The following CPXM2 variants were observed in gnomAD, a reference collection of about 807,000 sequenced individuals.
CPXM2 encodes the protein carboxypeptidase X, M14 family member 2.
In CPXM2, 66 loss-of-function variants were observed where a neutral mutation model predicts 86.1. The observed-to-expected ratio is 0.77, with a 90% CI of 0.63 to 0.94. CPXM2 has a LOEUF of 0.94. Ranked by LOEUF, CPXM2 falls within the 40% of genes least tolerant of loss-of-function variation. The probability of loss-of-function intolerance (pLI) is 0.00; values close to 1 mark genes in which losing one functional copy is unlikely to be tolerated. For synonymous variants in CPXM2, 388 were observed against 400.2 expected, an observed-to-expected ratio of 0.97 and a Z score of 0.36; for missense variants, 948 against 1,026.3, an observed-to-expected ratio of 0.92 and a Z score of 1.04.
At position 123,878,228 on chromosome 10, in the gene CPXM2, G is replaced by T. The variant is rs575058774; in HGVS notation, c.403+1983C>A. On this transcript the variant is annotated intron_variant, in intron 2 of 13. Coordinates refer to ENST00000241305, the MANE Select transcript of CPXM2 (RefSeq NM_198148.3). ...TGCCCTGCCTCCATGGCCACCATCT[G>T]TCGGTTGTCAGGATCTCCTCAGCTG... is the stretch of plus-strand genomic sequence containing the variant. Among the ~76,000 whole-genome samples the T allele has an allele frequency of 6.7e-5, 10 of 150,346 alleles. No homozygotes were observed. In the South Asian group the frequency reaches 2.1e-3, roughly 32 times the overall value.
At chr10:123,766,114 T>C (rs985080945) in intron 10 of CPXM2, among the ~76,000 whole-genome samples, 3 of 152,174 alleles carry the variant, frequency 2.0e-5, no homozygotes, top group Non-Finnish European at 4.4e-5. Context: ...AAGCCCTTTC[T>C]CTCCTGTTCC....
intron 4 of CPXM2, among the ~76,000 whole-genome samples, chr10:123,812,539 C>T (rs1847715606): frequency 6.6e-6 from 1 of 152,216 alleles, no homozygotes; most frequent in Admixed American, 6.5e-5. Context: ...AGAGACTACA[C>T]TAACAGGACA....
intron 1 of CPXM2, among the ~76,000 whole-genome samples, chr10:123,888,928 G>A (rs1945221688): frequency 6.6e-6 from 1 of 152,102 alleles, no homozygotes; most frequent in Non-Finnish European, 1.5e-5. Flanking sequence ...GTGGATGCCA[G>A]GGCTGCGGTG....
chr10:123,854,721 G>A (rs947146153), intron 3 of CPXM2, among the ~76,000 whole-genome samples: 7 of 151,608 alleles, frequency 4.6e-5, no homozygotes, highest in Non-Finnish European at 1.0e-4. Context: ...TACCTCATGG[G>A]GATGGTTCCC....
chr10:123,849,381 TTCCCCTTTA>T (rs1410970282), intron 3 of CPXM2, among the ~76,000 whole-genome samples: 2 of 151,956 alleles, frequency 1.3e-5, no homozygotes, highest in African/African-American at 2.4e-5. Flanking sequence ...CCTCTCCTCC[TTCCCCTTTA>T]TCCCCTTTAT....
chr10:123,802,796 C>T (rs1847488652), intron 4 of CPXM2, among the ~76,000 whole-genome samples: 1 of 152,132 alleles, frequency 6.6e-6, no homozygotes, highest in Non-Finnish European at 1.5e-5. Flanking sequence ...TCTGGTTATT[C>T]CATGCTCTTA....
intron 2 of CPXM2, among the ~76,000 whole-genome samples, chr10:123,919,986 C>T (rs1264043986): frequency 2.6e-5 from 4 of 152,204 alleles, no homozygotes; most frequent in Admixed American, 2.6e-4. Context: ...CTCATTACCA[C>T]AAGGACAGCA....
chr10:123,912,287 T>G (rs1321721731), intron 2 of CPXM2, among the ~76,000 whole-genome samples: 1 of 69,620 alleles, frequency 1.4e-5, no homozygotes, highest in Non-Finnish European at 2.7e-5. Flanking sequence ...CGTGTGTGTG[T>G]GTGAGTGTGC....
At chr10:123,904,925 A>C (rs1945422390) in intron 2 of CPXM2, among the ~76,000 whole-genome samples, 1 of 24,144 alleles carries the variant, frequency 4.1e-5, no homozygotes, top group Non-Finnish European at 7.8e-5. Flanking sequence ...CCTGCATCCT[A>C]GTGAGGGATC....
chr10:123,753,761 G>A (rs1169221881), intron 13 of CPXM2, among the ~76,000 whole-genome samples: 1 of 152,164 alleles, frequency 6.6e-6, no homozygotes, highest in African/African-American at 2.4e-5. Flanking sequence ...CCACAGCAAA[G>A]AGAGTTGGAA....
chr10:123,891,722 G>A lies in CPXM2; in HGVS notation c.-63C>T. 8.0e-7 allele frequency: 1 copy of A among 1,252,230 alleles called. No individual in the cohort carries two copies. Among genetic ancestry groups the A allele is most frequent in the Non-Finnish European group, 1.0e-6 (1 of 982,386 alleles). The allele number at this position is 1,252,230 out of a possible 1,614,324, so 77.6% of individuals were successfully genotyped here. ...ACCGGGGGCGCCGGGCGGGCTGCGG[G>A]CGCAGAAGCTGGCGCGGGGCAAGGG... On this transcript the variant is annotated 5_prime_UTR_variant, in exon 1 of 14. Transcript: ENST00000241305. This position sits in a 1 kb window ranked among gnomAD's most constrained non-coding sequence, Gnocchi z 5.6.
chr10:123,798,839 T>C (rs957783521), intron 5 of CPXM2, among the ~76,000 whole-genome samples: 1 of 152,232 alleles, frequency 6.6e-6, no homozygotes, highest in African/African-American at 2.4e-5. Context: ...TGCATGCAAC[T>C]TCCAGGGCTA....
chr10:123,891,320 GC>G lies in CPXM2; in HGVS notation c.304+35del. 5.6e-6 allele frequency: 8 copies of G among 1,441,096 alleles called. No individual in the cohort carries two copies. Among genetic ancestry groups the G allele is most frequent in the Middle Eastern group, 1.9e-4 (1 of 5,292 alleles). The allele number at this position is 1,441,096 out of a possible 1,614,324, so 89.3% of individuals were successfully genotyped here. Reference sequence around the variant, plus strand: ...CCCCTGGAGGCGCGCAACCACCGGCGCCCCCTCGGGCTGCCCAGCGCAGAAA... The same window carrying G: ...CCCCTGGAGGCGCGCAACCACCGGCGCCCCTCGGGCTGCCCAGCGCAGAAA... On this transcript the variant is annotated intron_variant, in intron 1 of 13. Coordinates refer to ENST00000241305, the MANE Select transcript of CPXM2 (RefSeq NM_198148.3). This position sits in a 1 kb window ranked among gnomAD's most constrained non-coding sequence, Gnocchi z 5.6.
At position 123,746,840 on chromosome 10, in the gene CPXM2, T is replaced by C. The variant is rs761292953; in HGVS notation, c.2195A>G (p.Lys732Arg). Residue 732 changes from lysine (K) to arginine (R), a missense_variant, in exon 14 of 14, where the codon AAG (lysine) becomes AGG (arginine). Lys to Arg is a conservative substitution (Grantham distance 26). Transcript: ENST00000241305. ...NMARIREIME[K>R]FGKQPVSLPA... ...CAGGCTGACGGGCTGCTTCCCAAAC[T>C]TCTCCATGATCTCTCGGATCCTGGC... 6 of 1,614,068 alleles carry C rather than the reference T, an allele frequency of 3.7e-6. No homozygotes were observed. In the African/African-American group the frequency reaches 6.7e-5, roughly 18 times the overall value.
intron 2 of CPXM2, among the ~76,000 whole-genome samples, chr10:123,918,988 A>G (rs765308776): frequency 6.6e-6 from 1 of 152,178 alleles, no homozygotes; most frequent in Non-Finnish European, 1.5e-5. Flanking sequence ...TGGGAGCTGG[A>G]GATTGTGGAA....
At position 123,768,699 on chromosome 10, in the gene CPXM2, C is replaced by T. The variant is rs568542152; in HGVS notation, c.1126G>A (p.Ala376Thr). 5.6e-6 allele frequency: 9 copies of T among 1,610,372 alleles called. No individual in the cohort carries two copies. Among genetic ancestry groups the T allele is most frequent in the African/African-American group, 4.0e-5 (3 of 75,024 alleles). The stretch of plus-strand genomic sequence containing the variant: ...AGCACCTCATTGCCGTGGGCCCCCG[C>T]GATGTAGTGGAACTCGGGCTCACCT... The part of the protein sequence containing the change: ...EVGEPEFHYI[A>T]GAHGNEVLGR... Residue 376 changes from alanine (A) to threonine (T), a missense_variant, in exon 9 of 14, where the codon GCG becomes ACG. Coordinates refer to ENST00000241305, the MANE Select transcript of CPXM2 (RefSeq NM_198148.3).
chr10:123,887,288 G>A (rs767128734), intron 1 of CPXM2: 10 of 152,140 alleles, frequency 6.6e-5, no homozygotes, highest in Non-Finnish European at 1.2e-4. Flanking sequence ...AAAATTCTCG[G>A]ATGGATGAGT....
At chr10:123,920,649 T>C (rs919476802) in intron 2 of CPXM2, among the ~76,000 whole-genome samples, 15 of 152,238 alleles carry the variant, frequency 9.9e-5, no homozygotes, top group African/African-American at 3.4e-4. Flanking sequence ...TGGATAATTG[T>C]TAGGGTTTAA....
At chr10:123,784,533 G>T (rs991119783) in intron 6 of CPXM2, among the ~76,000 whole-genome samples, 40 of 152,050 alleles carry the variant, frequency 2.6e-4, no homozygotes, top group African/African-American at 8.7e-4. Flanking sequence ...TGCCCCATAG[G>T]GCCTTCTGGT....
Sources: gnomAD v4.1 joint callset for allele counts (sites outside exome capture counted in the v4.1 genomes callset) on GRCh38, gnomAD v4.1.1 for gene constraint, Gnocchi (gnomAD v3.1) non-coding constraint, MANE v1.5 for transcripts, NCBI Gene and HGNC (gene_info 2026-07-23, HGNC 2026-07-21) for gene names.